TRPC4AP: variants seen among roughly 807,000 people sequenced by gnomAD.
TRPC4AP encodes the protein short transient receptor potential channel 4-associated protein.
In TRPC4AP, 45 loss-of-function variants were observed where a neutral mutation model predicts 99.0. That is an observed-to-expected ratio of 0.45 (90% confidence interval 0.36 to 0.58). The LOEUF is 0.58. TRPC4AP is among the 20% of genes least tolerant of loss of function. TRPC4AP has a pLI of 0.00. For missense variants in TRPC4AP, 879 were observed against 985.3 expected (o/e 0.89, Z 1.44); for synonymous variants, 408 against 385.8 (o/e 1.06, Z -0.67).
intron 7 of TRPC4AP, among the ~76,000 whole-genome samples, chr20:35,042,820 T>C (rs551391023): frequency 2.1e-4 from 32 of 152,320 alleles, no homozygotes; most frequent in African/African-American, 7.0e-4. Flanking sequence ...TTGGTTAGAA[T>C]AGTGTTTTGT....
intron 3 of TRPC4AP, among the ~76,000 whole-genome samples, chr20:35,057,772 C>A (rs2145962498): frequency 6.6e-6 from 1 of 152,312 alleles, no homozygotes; most frequent in South Asian, 2.1e-4. Context: ...TGGCCACCTA[C>A]TTGCCCTTCT....
chr20:35,090,807 C>T (rs1476080070), intron 1 of TRPC4AP, among the ~76,000 whole-genome samples: 1 of 152,198 alleles, frequency 6.6e-6, no homozygotes, highest in Non-Finnish European at 1.5e-5. Context: ...CACTGATTAT[C>T]AGGATGGGTG....
At chr20:35,089,827 C>T (rs1223340459) in intron 1 of TRPC4AP, among the ~76,000 whole-genome samples, 1 of 152,036 alleles carries the variant, frequency 6.6e-6, no homozygotes, top group African/African-American at 2.4e-5. Flanking sequence ...GTCTGGGCAA[C>T]AGAGCGAGAC....
rs972616676 is a variant in TRPC4AP, at chr20:35,048,960, G to T, written c.657+906C>A. 3.9e-5 allele frequency among the ~76,000 whole-genome samples: 6 copies of T among 152,276 alleles called. No homozygotes were observed. In the South Asian group the frequency reaches 1.2e-3, roughly 32 times the overall value. On this transcript the variant is annotated intron_variant, in intron 6 of 18. Coordinates refer to ENST00000252015, the MANE Select transcript of TRPC4AP (RefSeq NM_015638.3). Reference sequence around the variant, plus strand: ...CTGGGCAATGACAAGCAAGGCCTGGGGAAAGCACAGCAAGAAGAAATGAAC... The same window carrying T: ...CTGGGCAATGACAAGCAAGGCCTGGTGAAAGCACAGCAAGAAGAAATGAAC...
At chr20:35,038,842 G>A (rs529954907) in intron 7 of TRPC4AP, among the ~76,000 whole-genome samples, 97 of 152,232 alleles carry the variant, frequency 6.4e-4, no homozygotes, top group Non-Finnish European at 1.2e-3. Context: ...GGAGGCCGAG[G>A]TGGGTGGATC....
chr20:35,040,333 T>C (rs896677474), intron 7 of TRPC4AP, among the ~76,000 whole-genome samples: 3 of 151,956 alleles, frequency 2.0e-5, no homozygotes, highest in Non-Finnish European at 2.9e-5. Context: ...GCAGGCACCA[T>C]CCAATTGGTG....
chr20:35,086,505 ATATGTGTGTGTGTGTATATATGTGTG>A (rs1569157772), intron 1 of TRPC4AP, among the ~76,000 whole-genome samples: 1 of 46,652 alleles, frequency 2.1e-5, no homozygotes, highest in African/African-American at 5.6e-5. Context: ...ATGTGTATAT[ATATGTGTGTGTGTGTATATATGTGTG>A]TGTGTGTGTG....
In TRPC4AP at chr20:35,045,683, C is replaced by T. The variant is rs57697362; in HGVS notation, c.658-971G>A. Among the ~76,000 whole-genome samples, 111 of 152,164 alleles carry T rather than the reference C, an allele frequency of 7.3e-4. 4 individuals are homozygous for T. The East Asian group carries it at 0.012, about 17-fold the overall frequency. ...CCTCCCAAGTAGTGGGGATTACAGG[C>T]GCCCGCCACCACGCCTGGCTAATTT... On this transcript the variant is annotated intron_variant, in intron 6 of 18. Coordinates refer to ENST00000252015, the MANE Select transcript of TRPC4AP (RefSeq NM_015638.3).
Position 35,016,052 on chromosome 20 carries a change from C to T in TRPC4AP, c.1306G>A (p.Ala436Thr). 6.2e-7 allele frequency: 1 copy of T among 1,614,174 alleles called. No individual in the cohort carries two copies. Among genetic ancestry groups the T allele is most frequent in the Non-Finnish European group, 8.5e-7 (1 of 1,180,024 alleles). ...KLIWRKHSASALVLHGHNQNC... is the reference protein window; with the variant it reads ...KLIWRKHSASTLVLHGHNQNC... ...TGGTTGTGACCATGGAGGACAAGGGCAGATGCTGAATGCTTCCTCCAAATC... is the reference window on the plus strand; with the variant it reads ...TGGTTGTGACCATGGAGGACAAGGGTAGATGCTGAATGCTTCCTCCAAATC... Residue 436 changes from alanine (A) to threonine (T), a missense_variant, in exon 10 of 19, where the codon GCC (alanine) becomes ACC (threonine). Physicochemically the swap from Ala to Thr is moderately conservative, Grantham distance 58. Transcript: ENST00000252015.
chr20:35,060,967 A>G (rs1411720900), intron 3 of TRPC4AP, among the ~76,000 whole-genome samples: 3 of 152,202 alleles, frequency 2.0e-5, no homozygotes, highest in African/African-American at 7.2e-5. Context: ...TCAATTTAAC[A>G]TTGTACTGAG....
chr20:35,062,124 T>C (rs2084023356), intron 3 of TRPC4AP, among the ~76,000 whole-genome samples: 2 of 152,178 alleles, frequency 1.3e-5, no homozygotes, highest in Admixed American at 6.6e-5. Context: ...CCTACTACGA[T>C]GGTTATAATG....
intron 9 of TRPC4AP, among the ~76,000 whole-genome samples, chr20:35,019,543 C>T (rs2082836631): frequency 6.6e-6 from 1 of 152,152 alleles, no homozygotes; most frequent in African/African-American, 2.4e-5. Flanking sequence ...GACACAGAGT[C>T]ACCACCTGTT....
chr20:35,013,533 G>C (rs1001625258), intron 10 of TRPC4AP, among the ~76,000 whole-genome samples: 3 of 152,102 alleles, frequency 2.0e-5, no homozygotes, highest in Non-Finnish European at 4.4e-5. Context: ...AGCCGAGATC[G>C]CACCACTGAC....
chr20:35,027,088 A>G (rs968328359), intron 8 of TRPC4AP, among the ~76,000 whole-genome samples: 3 of 152,174 alleles, frequency 2.0e-5, no homozygotes, highest in African/African-American at 4.8e-5. Context: ...GCTGAAGAGA[A>G]GTGGCAATGG....
At chr20:35,013,952 G>A (rs2082693971) in intron 10 of TRPC4AP, among the ~76,000 whole-genome samples, 3 of 152,240 alleles carry the variant, frequency 2.0e-5, no homozygotes, top group Admixed American at 1.3e-4. Context: ...GACTGGGGCA[G>A]TAGGGCCAAG....
In TRPC4AP at chr20:35,066,367, A is replaced by G. The variant is rs543312454; in HGVS notation, c.414+2929T>C. 5.3e-4 allele frequency among the ~76,000 whole-genome samples: 81 copies of G among 152,226 alleles called. 1 individual carries two copies. The highest frequency in any genetic ancestry group is 1.8e-3 in the African/African-American group (76 of 41,524). The stretch of plus-strand genomic sequence containing the variant: ...TGCAATCCGCCTGCTTCGGCCTCCT[A>G]AAGTGCTGGGATTACAGGCATGAGT... On this transcript the variant is annotated intron_variant, in intron 3 of 18. Coordinates refer to ENST00000252015, the MANE Select transcript of TRPC4AP (RefSeq NM_015638.3).
At chr20:35,074,892 T>C (rs368460867) in intron 2 of TRPC4AP, among the ~76,000 whole-genome samples, 1 of 152,336 alleles carries the variant, frequency 6.6e-6, no homozygotes, top group East Asian at 1.9e-4. Context: ...CCATTATTAT[T>C]GTGTGGGAGT....
chr20:35,030,741 CAT>C (rs1229678727), intron 8 of TRPC4AP, among the ~76,000 whole-genome samples: 3 of 152,140 alleles, frequency 2.0e-5, no homozygotes, highest in Admixed American at 1.3e-4. Context: ...AATATGTTTC[CAT>C]ATGTTATAGG....
chr20:35,034,692 G>C (rs1326112935), intron 8 of TRPC4AP, among the ~76,000 whole-genome samples: 2 of 152,184 alleles, frequency 1.3e-5, no homozygotes, highest in Non-Finnish European at 2.9e-5. Flanking sequence ...CAGGAAGCTG[G>C]AGCTGAGACT....
Sources: gnomAD v4.1 joint callset for allele counts (sites outside exome capture counted in the v4.1 genomes callset) on GRCh38, gnomAD v4.1.1 for gene constraint, MANE v1.5 for transcripts, NCBI Gene and HGNC (gene_info 2026-07-23, HGNC 2026-07-21) for gene names.